The following GINS4 variants were observed in gnomAD, a reference collection of about 807,000 sequenced individuals.
GINS4 encodes GINS complex subunit 4, also known as DNA replication complex GINS protein SLD5.
Under a neutral mutation model 31.1 loss-of-function variants are expected in GINS4, and 20 were observed. The observed-to-expected ratio is 0.64, with a 90% CI of 0.45 to 0.93. The LOEUF (loss-of-function observed/expected upper bound fraction) is 0.93. Among genes scored for constraint, GINS4 ranks in the 40% least tolerant of loss-of-function variants. The pLI is 0.00. For synonymous variants in GINS4, 85 were observed against 97.9 expected (o/e 0.87, Z 0.78); for missense variants, 245 against 273.9 (o/e 0.89, Z 0.75).
At chr8:41,536,323 TG>T in intron 2 of GINS4, 36 bp from the exon 3 acceptor site, 1 of 1,281,718 alleles carries the variant, frequency 7.8e-7, no homozygotes, top group Non-Finnish European at 1.1e-6. Context: ...AGCTCTGTGG[TG>T]GGTGATGCTT....
intron 2 of GINS4, among the ~76,000 whole-genome samples, chr8:41,531,635 C>G (rs1806649219): frequency 6.6e-6 from 1 of 152,184 alleles, no homozygotes; most frequent in African/African-American, 2.4e-5. Context: ...CTGGTAGAAA[C>G]TGTGGTCTTT....
In GINS4 at chr8:41,538,195, G is replaced by A. The variant is rs534117067; in HGVS notation, c.297+902G>A. Among the ~76,000 whole-genome samples, 7 of 152,042 alleles carry A rather than the reference G, an allele frequency of 4.6e-5. No individual in the cohort carries two copies. In the East Asian group the frequency reaches 1.2e-3, roughly 25 times the overall value. On this transcript the variant is annotated intron_variant, in intron 4 of 7. Transcript: ENST00000276533. ...TCTGAAGACTGCCCACAGTCTCCTCGAAGTCTTCTCTCAGGCATACATTTT... is the reference window on the plus strand; with the variant it reads ...TCTGAAGACTGCCCACAGTCTCCTCAAAGTCTTCTCTCAGGCATACATTTT...
At position 41,539,751 on chromosome 8, in the gene GINS4, C is replaced by T. The variant is rs376381703; in HGVS notation, c.371C>T (p.Pro124Leu). The T allele has an allele frequency of 5.6e-6, 9 of 1,613,964 alleles. No homozygotes were observed. The highest frequency in any genetic ancestry group is 2.7e-5 in the African/African-American group (2 of 74,922). The change falls in exon 5 of 8, where the codon CCG (proline) becomes CTG (leucine). Residue 124 changes from proline to leucine, a missense_variant. Coordinates refer to ENST00000276533, the MANE Select transcript of GINS4 (RefSeq NM_032336.3). Reference sequence around the variant, plus strand: ...GAGGGGGAGCCTTCCAGCCTCTCGCCGGAAGAGTTGGCCTTTGCCAGAGAG... The same window carrying T: ...GAGGGGGAGCCTTCCAGCCTCTCGCTGGAAGAGTTGGCCTTTGCCAGAGAG... ...RPEGEPSSLS[P>L]EELAFAREFM...
At chr8:41,537,409 T>C (rs1806761156) in intron 4 of GINS4, 116 bp downstream of exon 4, 3 of 667,344 alleles carry the variant, frequency 4.5e-6, no homozygotes, top group Non-Finnish European at 8.0e-6. Context: ...AAGATGCTGC[T>C]AAGAGCCCAA....
At chr8:41,541,773 G>T in intron 6 of GINS4, 36 bp from the exon 7 acceptor site, 1 of 1,554,788 alleles carries the variant, frequency 6.4e-7, no homozygotes, top group South Asian at 1.1e-5. Context: ...TTTGTTGGCC[G>T]AGGATTTCCT....
chr8:41,530,373 C>G (rs940530016), intron 2 of GINS4, 75 bp downstream of exon 2: 10 of 1,064,902 alleles, frequency 9.4e-6, no homozygotes, highest in Non-Finnish European at 1.4e-5. Context: ...TCAGGGATCA[C>G]AAGATGAGGA....
chr8:41,540,625 G>A (rs1442724905), intron 6 of GINS4, among the ~76,000 whole-genome samples: 9 of 152,184 alleles, frequency 5.9e-5, no homozygotes, highest in Non-Finnish European at 1.2e-4. Flanking sequence ...CCTTACCGTC[G>A]GATCAACCCA....
Position 41,530,151 on chromosome 8 carries a change from A to T in GINS4, c.-19-33A>T, listed in dbSNP as rs149747949. On this transcript the variant is annotated intron_variant, in intron 1 of 7. Transcript: ENST00000276533. ...GTTCTTGCAGATAATTAGAAAACGC[A>T]TTGCAGAGTATTGGTTCTTTCCCTC... 35 of 1,281,082 alleles carry T rather than the reference A, an allele frequency of 2.7e-5. No homozygotes were observed. The East Asian group carries it at 7.9e-4, about 29-fold the overall frequency. 79.4% of individuals were successfully genotyped at this position (1,281,082 alleles called of 1,614,324 possible).
rs1283873615 is a variant in GINS4, at chr8:41,542,926, G to A, written c.*839G>A. 1 of 152,240 alleles carries A rather than the reference G, an allele frequency of 6.6e-6. No homozygotes were observed. The highest frequency in any genetic ancestry group is 2.4e-5 in the African/African-American group (1 of 41,466). The allele number at this position is 152,240 out of a possible 1,614,324, so 9.4% of individuals were successfully genotyped here. A position where few individuals can be genotyped will look rare whatever the true frequency, so the allele number is the denominator to read the frequency against. ...CTTGGCGGAGCAGCAGAGGCTCTCA[G>A]CACGCCTTTTCCCTTTGTAGTATTT... On this transcript the variant is annotated 3_prime_UTR_variant, in exon 8 of 8. Transcript: ENST00000276533.
At chr8:41,540,689 C>T (rs540978038) in intron 6 of GINS4, among the ~76,000 whole-genome samples, 8 of 152,332 alleles carry the variant, frequency 5.3e-5, no homozygotes, top group East Asian at 1.9e-4. Context: ...TTTCACAGTG[C>T]GCCAGATCCA....
chr8:41,542,381 CAAAA>C lies in GINS4; in HGVS notation c.*302_*305del, dbSNP rs61367318. 4 of 182,176 alleles carry C rather than the reference CAAAA, an allele frequency of 2.2e-5. No individual in the cohort carries two copies. The highest frequency in any genetic ancestry group is 1.3e-4 in the African/African-American group (4 of 30,070). The allele number at this position is 182,176 out of a possible 1,614,324, so 11.3% of individuals were successfully genotyped here. A position where few individuals can be genotyped will look rare whatever the true frequency, so the allele number is the denominator to read the frequency against. On this transcript the variant is annotated 3_prime_UTR_variant, in exon 8 of 8. Transcript: ENST00000276533. ...CCTGGGTGACAGTGAGACTTTGTCTCAAAAAAAAAAACAAAAAACAAAAAAAAAA... is the reference window on the plus strand; with the variant it reads ...CCTGGGTGACAGTGAGACTTTGTCTCAAAAAAACAAAAAACAAAAAAAAAA...
rs1806893735 is a variant in GINS4, at chr8:41,544,161, C to A, written c.*2074C>A. 1 of 152,324 alleles carries A rather than the reference C, an allele frequency of 6.6e-6. No individual in the cohort carries two copies. The highest frequency in any genetic ancestry group is 1.5e-5 in the Non-Finnish European group (1 of 68,112). 9.4% of individuals were successfully genotyped at this position (152,324 alleles called of 1,614,324 possible). On this transcript the variant is annotated 3_prime_UTR_variant, in exon 8 of 8. Transcript: ENST00000276533. The stretch of plus-strand genomic sequence containing the variant: ...AGGGTGTTCCAGGCAGAGAAAACAG[C>A]CTGTGCAAAGGCCCTGAGGCAGAAA...
At chr8:41,539,191 G>A (rs1482080112) in intron 4 of GINS4, among the ~76,000 whole-genome samples, 1 of 151,194 alleles carries the variant, frequency 6.6e-6, no homozygotes, top group Non-Finnish European at 1.5e-5. Flanking sequence ...GTGGTGGTGG[G>A]TGCCTGTAAT....
intron 2 of GINS4, among the ~76,000 whole-genome samples, chr8:41,535,471 G>T (rs899080927): frequency 6.6e-6 from 1 of 152,124 alleles, no homozygotes; most frequent in African/African-American, 2.4e-5. Flanking sequence ...GTTTCAGTCT[G>T]CAGGACTGTT....
At position 41,538,519 on chromosome 8, in the gene GINS4, C is replaced by G. The variant is rs75703701; in HGVS notation, c.298-1159C>G. ...AGATGATAATTACCCCATCCAGTCACTGTCCTCTACTTGTATGGCTTAGGT... is the reference window on the plus strand; with the variant it reads ...AGATGATAATTACCCCATCCAGTCAGTGTCCTCTACTTGTATGGCTTAGGT... On this transcript the variant is annotated intron_variant, in intron 4 of 7. Transcript: ENST00000276533. Among the ~76,000 whole-genome samples, 67 of 152,284 alleles carry G rather than the reference C, an allele frequency of 4.4e-4. 1 individual carries two copies. In the East Asian group the frequency reaches 0.013, roughly 29 times the overall value.
At chr8:41,535,585 G>A (rs1424820828) in intron 2 of GINS4, among the ~76,000 whole-genome samples, 3 of 152,010 alleles carry the variant, frequency 2.0e-5, no homozygotes, top group South Asian at 2.1e-4. Flanking sequence ...ACTCAAGGAC[G>A]TCAGAAAAAA....
intron 4 of GINS4, among the ~76,000 whole-genome samples, chr8:41,538,388 G>A (rs553989920): frequency 6.8e-6 from 1 of 147,508 alleles, no homozygotes; most frequent in East Asian, 2.0e-4. Context: ...TTATTAAGCT[G>A]GTAGTAATGC....
chr8:41,532,330 A>G (rs1052071956), intron 2 of GINS4, among the ~76,000 whole-genome samples: 2 of 151,990 alleles, frequency 1.3e-5, no homozygotes, highest in Non-Finnish European at 2.9e-5. Flanking sequence ...AATGAAAATC[A>G]TGAGATATCA....
chr8:41,531,579 G>A (rs1273471962), intron 2 of GINS4, among the ~76,000 whole-genome samples: 1 of 152,158 alleles, frequency 6.6e-6, no homozygotes, highest in Admixed American at 6.5e-5. Flanking sequence ...TTACTATTTA[G>A]CAGTGATTCT....
Sources: allele counts gnomAD v4.1 joint callset (sites outside exome capture counted in the v4.1 genomes callset), GRCh38; gene constraint gnomAD v4.1.1; transcripts MANE v1.5; gene names NCBI Gene and HGNC (gene_info 2026-07-23, HGNC 2026-07-21).